Variants in CLEC9A observed in about 807,000 individuals in gnomAD.
The protein encoded by CLEC9A is C-type lectin domain containing 9A.
CLEC9A carries 24 observed loss-of-function variants against 30.0 expected under a neutral mutation model. The ratio of observed to expected loss-of-function variants is 0.80; its 90% CI spans 0.58 to 1.13. CLEC9A has a LOEUF of 1.13. Ranked by LOEUF, CLEC9A falls within the 50% of genes most tolerant of loss-of-function variation. The probability of loss-of-function intolerance (pLI) is 0.00; values close to 1 mark genes in which losing one functional copy is unlikely to be tolerated. For synonymous variants in CLEC9A, 111 were observed against 96.8 expected (o/e 1.15, Z -0.86); for missense variants, 251 against 280.9 (o/e 0.89, Z 0.76).
chr12:10,052,966 C>T (rs1865908884), intron 4 of CLEC9A, 188 bp downstream of exon 4: 4 of 519,664 alleles, frequency 7.7e-6, no homozygotes, highest in Admixed American at 3.7e-5. Context: ...GAGCAATACA[C>T]GTGATAAACG....
chr12:10,040,883 G>T, intron 1 of CLEC9A: 2 of 206,266 alleles, frequency 9.7e-6, no homozygotes, highest in South Asian at 7.3e-5. Context: ...AGTTGAGAAT[G>T]AAAATCTCTC....
At chr12:10,061,513 G>A (rs543844737) in intron 6 of CLEC9A, among the ~76,000 whole-genome samples, 1 of 152,190 alleles carries the variant, frequency 6.6e-6, no homozygotes, top group Admixed American at 6.5e-5. Flanking sequence ...AAAGAGGTGT[G>A]TGTGCAATTA....
At chr12:10,038,575 G>T (rs894428761) in intron 1 of CLEC9A, among the ~76,000 whole-genome samples, 3 of 152,134 alleles carry the variant, frequency 2.0e-5, no homozygotes, top group African/African-American at 7.2e-5. Flanking sequence ...ATTGGAAAAA[G>T]GGAAGCTTTA....
intron 6 of CLEC9A, among the ~76,000 whole-genome samples, chr12:10,061,567 T>C (rs1462216033): frequency 6.6e-6 from 1 of 152,230 alleles, no homozygotes. Flanking sequence ...AAAATCGTTT[T>C]ATCCAGCCAT....
chr12:10,065,099 A>T (rs1298914125), intron 8 of CLEC9A, among the ~76,000 whole-genome samples: 2 of 152,162 alleles, frequency 1.3e-5, no homozygotes, highest in Non-Finnish European at 2.9e-5. Flanking sequence ...CTGATGAATA[A>T]TATAATTATC....
intron 1 of CLEC9A, 39 bp from the exon 2 acceptor site, chr12:10,041,427 T>C (rs1865796749): frequency 5.6e-6 from 2 of 355,806 alleles, no homozygotes. Flanking sequence ...AATTCCAATT[T>C]AAAAACAACA....
chr12:10,039,749 T>C (rs1469682027), intron 1 of CLEC9A, among the ~76,000 whole-genome samples: 1 of 152,244 alleles, frequency 6.6e-6, no homozygotes, highest in East Asian at 1.9e-4. Context: ...TTTCATGAGA[T>C]ATTTTAGAAT....
intron 2 of CLEC9A, among the ~76,000 whole-genome samples, chr12:10,046,484 T>A (rs10845028): frequency 0.54 from 81,582 of 152,066 alleles, 23,978 homozygotes; most frequent in Middle Eastern, 0.74. Context: ...CAGAAGGACA[T>A]GTTAAAATGC....
intron 1 of CLEC9A, among the ~76,000 whole-genome samples, chr12:10,033,013 A>C (rs1865713461): frequency 6.6e-6 from 1 of 152,128 alleles, no homozygotes; most frequent in Non-Finnish European, 1.5e-5. Context: ...ACTCCAGTCA[A>C]AGTCACCATT....
chr12:10,056,669 C>A (rs182648195), intron 5 of CLEC9A, among the ~76,000 whole-genome samples: 1 of 151,876 alleles, frequency 6.6e-6, no homozygotes, highest in African/African-American at 2.4e-5. Context: ...TAAATAGTGA[C>A]GATGAGGAGA....
At chr12:10,031,376 G>C (rs1057156944) in intron 1 of CLEC9A, among the ~76,000 whole-genome samples, 4 of 152,236 alleles carry the variant, frequency 2.6e-5, no homozygotes, top group Non-Finnish European at 4.4e-5. Context: ...TCTCTTTAGA[G>C]ATAGAGAGGG....
chr12:10,032,389 C>CCTT (rs1555150288), intron 1 of CLEC9A, among the ~76,000 whole-genome samples: 3 of 117,252 alleles, frequency 2.6e-5, no homozygotes, highest in African/African-American at 9.7e-5. Flanking sequence ...TTAGGGATTT[C>CCTT]TTTTTTTTTT....
At chr12:10,034,612 A>G (rs1865728783) in intron 1 of CLEC9A, among the ~76,000 whole-genome samples, 1 of 152,214 alleles carries the variant, frequency 6.6e-6, no homozygotes, top group Non-Finnish European at 1.5e-5. Context: ...GAAAATAGAA[A>G]CATGCCTGGG....
chr12:10,045,646 G>A (rs1311916020), intron 2 of CLEC9A: 2 of 241,588 alleles, frequency 8.3e-6, no homozygotes, highest in Admixed American at 8.0e-5. Context: ...GAAAGGGGCA[G>A]GATATCACAG....
Position 10,064,717 on chromosome 12 carries a change from A to G in CLEC9A, c.472-15A>G. 3 of 1,453,454 alleles carry G rather than the reference A, an allele frequency of 2.1e-6. No homozygotes were observed. Among genetic ancestry groups the G allele is most frequent in the Non-Finnish European group, 2.7e-6 (3 of 1,103,614 alleles). 90.0% of individuals were successfully genotyped at this position (1,453,454 alleles called of 1,614,324 possible). A position where few individuals can be genotyped will look rare whatever the true frequency, so the allele number is the denominator to read the frequency against. On this transcript the variant is annotated splice_polypyrimidine_tract_variant and intron_variant, in intron 7 of 8. Transcript: ENST00000355819. ...TTTGTTTTTCTCATTTCACAGTTCA[A>G]TTTTTGTCTCATAGGATTTTATCAC...
chr12:10,037,050 T>A (rs1464022779), intron 1 of CLEC9A, among the ~76,000 whole-genome samples: 1 of 152,140 alleles, frequency 6.6e-6, no homozygotes, highest in Non-Finnish European at 1.5e-5. Flanking sequence ...AAATAAAGAC[T>A]CAGAACACTT....
chr12:10,033,589 A>G (rs1591881555), intron 1 of CLEC9A, among the ~76,000 whole-genome samples: 1 of 152,236 alleles, frequency 6.6e-6, no homozygotes, highest in Admixed American at 6.5e-5. Flanking sequence ...ACTTGGAATC[A>G]CCTTTGACTT....
intron 2 of CLEC9A, among the ~76,000 whole-genome samples, chr12:10,044,326 C>G (rs1055160859): frequency 6.6e-6 from 1 of 152,140 alleles, no homozygotes. Flanking sequence ...AAATCTTGTA[C>G]AATATGATCA....
At chr12:10,040,363 G>A (rs1865781479) in intron 1 of CLEC9A, among the ~76,000 whole-genome samples, 1 of 150,696 alleles carries the variant, frequency 6.6e-6, no homozygotes, top group Non-Finnish European at 1.5e-5. Context: ...TCAGTTTTGT[G>A]TATTTTTAAA....
Sources: gnomAD v4.1 joint callset for allele counts (sites outside exome capture counted in the v4.1 genomes callset) on GRCh38, gnomAD v4.1.1 for gene constraint, MANE v1.5 for transcripts, NCBI Gene and HGNC (gene_info 2026-07-23, HGNC 2026-07-21) for gene names.